Variants in MED13L observed in about 807,000 individuals in gnomAD.
The protein encoded by MED13L is mediator complex subunit 13L.
Under a neutral mutation model 220.9 loss-of-function variants are expected in MED13L, and 7 were observed. That is an observed-to-expected ratio of 0.03 (90% confidence interval 0.02 to 0.06). The LOEUF (loss-of-function observed/expected upper bound fraction) is 0.06, where lower values mean the gene tolerates loss of function less well. MED13L is among the 10% of genes least tolerant of loss of function. The probability of loss-of-function intolerance (pLI) is 1.00; values close to 1 mark genes in which losing one functional copy is unlikely to be tolerated. For missense variants in MED13L, 1,965 were observed against 2,760.5 expected (o/e 0.71, Z 6.46); for synonymous variants, 1,011 against 1,015.2 (o/e 1.00, Z 0.08).
intron 4 of MED13L, among the ~76,000 whole-genome samples, chr12:116,076,406 A>G (rs1351510426): frequency 1.3e-5 from 2 of 152,094 alleles, no homozygotes; most frequent in East Asian, 1.9e-4. Flanking sequence ...GCACAGTGGC[A>G]CACACCTGCA....
intron 4 of MED13L, among the ~76,000 whole-genome samples, chr12:116,048,553 T>C (rs1305007095): frequency 6.6e-6 from 1 of 152,138 alleles, no homozygotes; most frequent in African/African-American, 2.4e-5. Context: ...ATTTTACAAC[T>C]AGGCAAACCA....
intron 9 of MED13L, among the ~76,000 whole-genome samples, chr12:116,012,159 T>C (rs926446285): frequency 2.0e-5 from 3 of 152,212 alleles, no homozygotes; most frequent in African/African-American, 7.2e-5. Flanking sequence ...TTAAGACTTA[T>C]GCCCAGTTAA....
chr12:116,033,687 C>G (rs944629975), intron 4 of MED13L, among the ~76,000 whole-genome samples: 2 of 152,122 alleles, frequency 1.3e-5, no homozygotes, highest in African/African-American at 4.8e-5. Context: ...CACCTTGGAG[C>G]TTCCCTAGAT....
chr12:116,158,935 A>C (rs1878652855), intron 2 of MED13L, among the ~76,000 whole-genome samples: 1 of 152,194 alleles, frequency 6.6e-6, no homozygotes, highest in African/African-American at 2.4e-5. Flanking sequence ...ATTCTGTAAC[A>C]AATCCAGAAA....
intron 1 of MED13L, among the ~76,000 whole-genome samples, chr12:116,246,069 A>G (rs1258205160): frequency 2.6e-5 from 4 of 152,342 alleles, no homozygotes; most frequent in African/African-American, 9.6e-5. Flanking sequence ...ACTGCTCAAC[A>G]GCAATACCAC....
intron 2 of MED13L, among the ~76,000 whole-genome samples, chr12:116,217,275 A>C (rs1883059615): frequency 6.6e-6 from 1 of 152,216 alleles, no homozygotes. Context: ...AGCAAAGTCA[A>C]GTTTTTTATA....
At chr12:115,974,487 T>G (rs115511220) in intron 25 of MED13L, among the ~76,000 whole-genome samples, 1 of 152,226 alleles carries the variant, frequency 6.6e-6, no homozygotes, top group Non-Finnish European at 1.5e-5. Flanking sequence ...TACATTGGGA[T>G]AGTAAATGAG....
chr12:116,154,742 C>A (rs981263841), intron 2 of MED13L, among the ~76,000 whole-genome samples: 1 of 152,122 alleles, frequency 6.6e-6, no homozygotes, highest in Non-Finnish European at 1.5e-5. Flanking sequence ...GGTATTAAAT[C>A]CAACCACAGA....
chr12:116,067,312 G>A (rs1377603794), intron 4 of MED13L, among the ~76,000 whole-genome samples: 1 of 152,012 alleles, frequency 6.6e-6, no homozygotes, highest in African/African-American at 2.4e-5. Flanking sequence ...AATGAAGTAT[G>A]GTATTTGACT....
At chr12:116,251,037 C>T (rs1374679694) in intron 1 of MED13L, among the ~76,000 whole-genome samples, 1 of 150,606 alleles carries the variant, frequency 6.6e-6, no homozygotes, top group African/African-American at 2.4e-5. Flanking sequence ...TGATCAATCC[C>T]TAAAAAGTAA....
At chr12:116,138,223 T>G (rs1215823671) in intron 2 of MED13L, among the ~76,000 whole-genome samples, 1 of 152,124 alleles carries the variant, frequency 6.6e-6, no homozygotes, top group Non-Finnish European at 1.5e-5. Context: ...ATCTAAATAC[T>G]CTACAAAATA....
At chr12:116,018,808 T>C (rs1012358714) in intron 7 of MED13L, among the ~76,000 whole-genome samples, 1 of 150,872 alleles carries the variant, frequency 6.6e-6, no homozygotes, top group Non-Finnish European at 1.5e-5. Context: ...GGGAAAAGAG[T>C]TGTTCAAGGC....
chr12:116,166,435 C>T (rs566414032), intron 2 of MED13L, among the ~76,000 whole-genome samples: 4 of 152,030 alleles, frequency 2.6e-5, no homozygotes, highest in Non-Finnish European at 4.4e-5. Context: ...ACTAAAAATA[C>T]AAAAATTAGC....
At chr12:116,066,129 G>A (rs985218362) in intron 4 of MED13L, among the ~76,000 whole-genome samples, 14 of 152,108 alleles carry the variant, frequency 9.2e-5, no homozygotes, top group African/African-American at 2.7e-4. Flanking sequence ...ACACACACAC[G>A]TGTGCACACA....
At chr12:116,097,395 C>G (rs1211161961) in intron 3 of MED13L, among the ~76,000 whole-genome samples, 2 of 152,182 alleles carry the variant, frequency 1.3e-5, no homozygotes, top group African/African-American at 4.8e-5. Context: ...ATCCACCCGC[C>G]TCAGCCTCCC....
chr12:116,200,526 C>CG (rs1330101155), intron 2 of MED13L, among the ~76,000 whole-genome samples: 1 of 152,120 alleles, frequency 6.6e-6, no homozygotes, highest in Admixed American at 6.6e-5. Context: ...AGCAATTGTT[C>CG]AACTATTGTT....
chr12:116,121,618 C>A (rs552360673), intron 2 of MED13L, among the ~76,000 whole-genome samples: 3 of 152,208 alleles, frequency 2.0e-5, no homozygotes, highest in South Asian at 4.1e-4. Context: ...GGTCACCCAG[C>A]CTTACACAGT....
At chr12:116,152,844 A>C (rs1196498595) in intron 2 of MED13L, among the ~76,000 whole-genome samples, 1 of 152,184 alleles carries the variant, frequency 6.6e-6, no homozygotes, top group Non-Finnish European at 1.5e-5. Context: ...TAAAATATTA[A>C]CTAGTATTAA....
chr12:116,218,519 G>T (rs1883133334), intron 2 of MED13L, among the ~76,000 whole-genome samples: 3 of 151,580 alleles, frequency 2.0e-5, no homozygotes, highest in Admixed American at 2.0e-4. Context: ...GTACTTTCTG[G>T]CATTCTCCAG....
Sources: allele counts gnomAD v4.1 joint callset (sites outside exome capture counted in the v4.1 genomes callset), GRCh38; gene constraint gnomAD v4.1.1; transcripts MANE v1.5; gene names NCBI Gene and HGNC (gene_info 2026-07-23, HGNC 2026-07-21).